Variants in HABP2 observed in about 807,000 individuals in gnomAD.
The protein encoded by HABP2 is hyaluronan binding protein 2.
Under a neutral mutation model 66.5 loss-of-function variants are expected in HABP2, and 65 were observed. The ratio of observed to expected loss-of-function variants is 0.98; its 90% CI spans 0.80 to 1.20. The LOEUF is 1.20. HABP2 is among the 50% of genes most tolerant of loss of function. HABP2 has a pLI of 0.00. For synonymous variants in HABP2, 263 were observed against 253.9 expected (o/e 1.04, Z -0.34); for missense variants, 786 against 691.0 (o/e 1.14, Z -1.54).
intron 1 of HABP2, among the ~76,000 whole-genome samples, chr10:113,561,209 T>C (rs1346269959): frequency 6.6e-6 from 1 of 152,190 alleles, no homozygotes; most frequent in Non-Finnish European, 1.5e-5. Context: ...GGGGAGTGTA[T>C]ACGTCTAGTC....
At chr10:113,584,513 C>G (rs1207231194) in intron 11 of HABP2, among the ~76,000 whole-genome samples, 1 of 152,202 alleles carries the variant, frequency 6.6e-6, no homozygotes, top group Non-Finnish European at 1.5e-5. Context: ...CCCCTAAATA[C>G]TTGAATTTTA....
At chr10:113,580,503 A>G (rs1027239905) in intron 7 of HABP2, 92 bp from the exon 8 acceptor site, 1 of 730,094 alleles carries the variant, frequency 1.4e-6, no homozygotes. Context: ...GGGGAGCACA[A>G]GAGTCTAGCA....
At chr10:113,554,792 C>T (rs1485227131) in intron 1 of HABP2, among the ~76,000 whole-genome samples, 1 of 152,096 alleles carries the variant, frequency 6.6e-6, no homozygotes. Flanking sequence ...TTTTTGCAAA[C>T]CCCATTGAAT....
In HABP2 at chr10:113,586,037, G is replaced by A. The variant is rs1180598037; in HGVS notation, c.1518+99G>A. The stretch of plus-strand genomic sequence containing the variant: ...CCCTGGGCTGGGAGCTAGGTTCAGA[G>A]GTCCACCTGTGGTAAAGCTAAGACA... On this transcript the variant is annotated intron_variant, in intron 12 of 12. Coordinates refer to ENST00000351270, the MANE Select transcript of HABP2 (RefSeq NM_004132.5). 3 of 1,064,612 alleles carry A rather than the reference G, an allele frequency of 2.8e-6. No individual in the cohort carries two copies. In the African/African-American group the frequency reaches 4.7e-5, roughly 17 times the overall value. 65.9% of individuals were successfully genotyped at this position (1,064,612 alleles called of 1,614,324 possible).
At chr10:113,577,915 T>G (rs1436242206) in intron 5 of HABP2, 111 bp from the exon 6 acceptor site, 1 of 1,298,660 alleles carries the variant, frequency 7.7e-7, no homozygotes, top group African/African-American at 1.5e-5. Flanking sequence ...TGACCCATCT[T>G]TCGCGAAAGG....
At chr10:113,562,971 G>A (rs552773699) in intron 1 of HABP2, among the ~76,000 whole-genome samples, 1 of 152,282 alleles carries the variant, frequency 6.6e-6, no homozygotes, top group East Asian at 1.9e-4. Context: ...GCATTTCCTA[G>A]TTAAGTTATT....
rs1845756435 is a variant in HABP2 at position 113,589,009 on chromosome 10, A to G, written c.*640A>G. 6.2e-7 allele frequency: 1 copy of G among 1,613,928 alleles called. No homozygotes were observed. Among genetic ancestry groups the G allele is most frequent in the South Asian group, 1.1e-5 (1 of 91,064 alleles). Reference sequence around the variant, plus strand: ...CAGGGCCTTCTTCTTTTTGACGTGCAGAATCTCAGTGGCATCTGGGTTCAC... The same window carrying G: ...CAGGGCCTTCTTCTTTTTGACGTGCGGAATCTCAGTGGCATCTGGGTTCAC... On this transcript the variant is annotated 3_prime_UTR_variant, in exon 13 of 13. Coordinates refer to ENST00000351270, the MANE Select transcript of HABP2 (RefSeq NM_004132.5).
chr10:113,567,385 C>A (rs999755379), intron 1 of HABP2, 104 bp from the exon 2 acceptor site: 13 of 836,926 alleles, frequency 1.6e-5, no homozygotes, highest in Non-Finnish European at 2.5e-5. Flanking sequence ...AGAAAGCACG[C>A]AGTGCACCTG....
intron 2 of HABP2, chr10:113,569,877 A>T (rs995508221): frequency 6.6e-6 from 1 of 152,292 alleles, no homozygotes; most frequent in Non-Finnish European, 1.5e-5. Flanking sequence ...GATGACACCA[A>T]CAGGGACGAC....
At position 113,585,875 on chromosome 10, in the gene HABP2, C is replaced by T. The variant is rs773551150; in HGVS notation, c.1455C>T (p.His485=). Residue 485 remains histidine, a synonymous_variant, in exon 12 of 13, where the codon CAC becomes CAT. Coordinates refer to ENST00000351270, the MANE Select transcript of HABP2 (RefSeq NM_004132.5). ...GCAACTCCCGCCAACTCTATGACCA[C>T]ATGATTGATGACAGTATGATCTGTG... ...TLCNSRQLYD[H]MIDDSMICAG... The T allele has an allele frequency of 1.3e-5, 21 of 1,613,734 alleles. No individual in the cohort carries two copies. Among genetic ancestry groups the T allele is most frequent in the Non-Finnish European group, 1.8e-5 (21 of 1,179,574 alleles).
chr10:113,552,869 T>C (rs1844921973), upstream of HABP2, among the ~76,000 whole-genome samples: 1 of 152,224 alleles, frequency 6.6e-6, no homozygotes, highest in African/African-American at 2.4e-5. Context: ...TGTCAGCTAC[T>C]TTCTTTGGAG....
At chr10:113,567,335 A>G (rs1845217257) in intron 1 of HABP2, 154 bp from the exon 2 acceptor site, 1 of 674,272 alleles carries the variant, frequency 1.5e-6, no homozygotes, top group African/African-American at 1.8e-5. Context: ...AATAGACCCC[A>G]TTGCCCCTCC....
Position 113,567,064 on chromosome 10 carries a change from C to T in HABP2, c.70-425C>T, listed in dbSNP as rs117571683. On this transcript the variant is annotated intron_variant, in intron 1 of 12. Coordinates refer to ENST00000351270, the MANE Select transcript of HABP2 (RefSeq NM_004132.5). The stretch of plus-strand genomic sequence containing the variant: ...AATCCTATCACAGCTATGTGACCTC[C>T]GAGTCCAAATTTTCTCATCTGTAAA... 1.8e-3 allele frequency among the ~76,000 whole-genome samples: 269 copies of T among 152,290 alleles called. 1 individual carries two copies. Among genetic ancestry groups the T allele is most frequent in the Middle Eastern group, 3.4e-3 (1 of 294 alleles).
intron 12 of HABP2, among the ~76,000 whole-genome samples, chr10:113,586,849 G>C (rs774708833): frequency 6.9e-4 from 105 of 152,256 alleles, no homozygotes; most frequent in Non-Finnish European, 1.3e-3. Context: ...TGATTTGCTG[G>C]CCTTGAACTC....
At chr10:113,551,807 AAATAAT>A (rs767242914), upstream of HABP2, among the ~76,000 whole-genome samples, 4 of 151,298 alleles carry the variant, frequency 2.6e-5, no homozygotes, top group Non-Finnish European at 5.9e-5. Flanking sequence ...CTCTGTCTCA[AAATAAT>A]AATAATAATA....
At chr10:113,552,596 T>C (rs1844917552), upstream of HABP2, among the ~76,000 whole-genome samples, 2 of 152,222 alleles carry the variant, frequency 1.3e-5, no homozygotes, top group African/African-American at 4.8e-5. Context: ...TCAATGTTTG[T>C]CAATAGCAGT....
chr10:113,563,575 A>G (rs11575642), intron 1 of HABP2, among the ~76,000 whole-genome samples: 1 of 151,824 alleles, frequency 6.6e-6, no homozygotes, highest in Non-Finnish European at 1.5e-5. Flanking sequence ...CAGCCCAGGA[A>G]GTCTCGGCTT....
At chr10:113,584,969 A>T (rs1482071035) in intron 11 of HABP2, among the ~76,000 whole-genome samples, 2 of 152,356 alleles carry the variant, frequency 1.3e-5, no homozygotes, top group East Asian at 3.9e-4. Flanking sequence ...AAGGTATTTC[A>T]TGTCTTTTCC....
chr10:113,575,988 G>T lies in HABP2; in HGVS notation c.315G>T (p.Gly105=), dbSNP rs1845402489. 3 of 1,591,432 alleles carry T rather than the reference G, an allele frequency of 1.9e-6. No individual in the cohort carries two copies. The highest frequency in any genetic ancestry group is 2.6e-6 in the Non-Finnish European group (3 of 1,159,270). Residue 105 remains glycine, a synonymous_variant, in exon 4 of 13, where the codon GGG becomes GGT. Transcript: ENST00000351270. ...FTCSCLAPFS[G]NKCQKVQNTC... Reference sequence around the variant, plus strand: ...GCAGCTGCCTGGCTCCTTTCTCTGGGAATAAGTGTCAGAAAGGTGAGTCCG... The same window carrying T: ...GCAGCTGCCTGGCTCCTTTCTCTGGTAATAAGTGTCAGAAAGGTGAGTCCG...
Sources: allele counts gnomAD v4.1 joint callset (sites outside exome capture counted in the v4.1 genomes callset), GRCh38; gene constraint gnomAD v4.1.1; transcripts MANE v1.5; gene names NCBI Gene and HGNC (gene_info 2026-07-23, HGNC 2026-07-21).